AMZ1: variants seen among roughly 807,000 people sequenced by gnomAD.
AMZ1 encodes the protein archaelysin family metallopeptidase 1.
Under a neutral mutation model 29.9 loss-of-function variants are expected in AMZ1, and 39 were observed. The ratio of observed to expected loss-of-function variants is 1.30; its 90% CI spans 1.01 to 1.70. AMZ1 has a LOEUF of 1.70. AMZ1 is among the 40% of genes most tolerant of loss of function. AMZ1 has a pLI of 0.00. For synonymous variants in AMZ1, 458 were observed against 304.0 expected (o/e 1.51, Z -5.27); for missense variants, 1,041 against 680.6 (o/e 1.53, Z -5.89).
At chr7:2,708,208 C>T (rs563701050) in intron 3 of AMZ1, among the ~76,000 whole-genome samples, 1 of 152,264 alleles carries the variant, frequency 6.6e-6, no homozygotes, top group African/African-American at 2.4e-5. Flanking sequence ...TCATCTGCAG[C>T]CCCTTTGGCT....
In AMZ1 at chr7:2,709,779, A is replaced by G; in HGVS notation, c.911A>G (p.Gln304Arg). Residue 304 changes from glutamine to arginine, a missense_variant, in exon 6 of 7, where the codon CAG becomes CGG. Gln to Arg is a conservative substitution (Grantham distance 43). Coordinates refer to ENST00000683327, the MANE Select transcript of AMZ1 (RefSeq NM_001384743.1). ...TGTCCCATCTGCCTGAGGAAGCTGC[A>G]GCATGTCCTGGGTTTCAGGCTCATC... is the stretch of plus-strand genomic sequence containing the variant. ...DLCPICLRKL[Q>R]HVLGFRLIER... 3.1e-6 allele frequency: 5 copies of G among 1,612,104 alleles called. No homozygotes were observed. Among genetic ancestry groups the G allele is most frequent in the Non-Finnish European group, 4.2e-6 (5 of 1,179,868 alleles).
intron 1 of AMZ1, among the ~76,000 whole-genome samples, chr7:2,692,191 A>G (rs539917120): frequency 1.7e-4 from 26 of 152,276 alleles, no homozygotes; most frequent in African/African-American, 6.0e-4. Context: ...AGGCTCCTGG[A>G]GGAAGACAGG....
chr7:2,758,733 T>C (rs553853435), intron 4 of AMZ1, among the ~76,000 whole-genome samples: 1 of 152,312 alleles, frequency 6.6e-6, no homozygotes, highest in South Asian at 2.1e-4. Context: ...GTCACAGCCC[T>C]AGGCTGGAAG....
chr7:2,752,814 G>A (rs1791102812), intron 4 of AMZ1, among the ~76,000 whole-genome samples: 1 of 152,160 alleles, frequency 6.6e-6, no homozygotes, highest in Non-Finnish European at 1.5e-5. Flanking sequence ...GACCTGCCAT[G>A]CATTTTCCCC....
intron 6 of AMZ1, among the ~76,000 whole-genome samples, chr7:2,710,978 T>C (rs1225161842): frequency 1.3e-5 from 2 of 152,214 alleles, no homozygotes; most frequent in Admixed American, 6.5e-5. Context: ...GAGCTCTCAT[T>C]TGATGCCTTC....
Position 2,708,617 on chromosome 7 carries a change from A to G in AMZ1, c.502A>G (p.Lys168Glu). The G allele has an allele frequency of 6.2e-7, 1 of 1,613,018 alleles. No homozygotes were observed. The highest frequency in any genetic ancestry group is 8.5e-7 in the Non-Finnish European group (1 of 1,179,970). ...DGILSFLKNNKPGDALCVLGL... is the reference protein window; with the variant it reads ...DGILSFLKNNEPGDALCVLGL... ...CATCCTGTCCTTCTTGAAGAACAAC[A>G]AGCCAGGGGACGCGCTGTGTGTGCT... is the stretch of plus-strand genomic sequence containing the variant. Residue 168 changes from lysine to glutamate, a missense_variant, in exon 4 of 7, where the codon AAG becomes GAG. Physicochemically the swap from Lys to Glu is moderately conservative, Grantham distance 56. Transcript: ENST00000683327.
chr7:2,685,855 G>GAAAAAAAAAAAAAAA (rs10710624), upstream of AMZ1, among the ~76,000 whole-genome samples: 1 of 86,762 alleles, frequency 1.2e-5, no homozygotes. Context: ...TCCGTCTCAA[G>GAAAAAAAAAAAAAAA]AAAAAAAAAA....
chr7:2,715,785 G>C lies in AMZ1; in HGVS notation c.*2907G>C, dbSNP rs1050899986. The stretch of plus-strand genomic sequence containing the variant: ...TCACCAGGAAAGACGCAAGGCAGAG[G>C]AGAGAGAATGAGGGCTGCCTTCTCG... On this transcript the variant is annotated 3_prime_UTR_variant, in exon 7 of 7. Coordinates refer to ENST00000683327, the MANE Select transcript of AMZ1 (RefSeq NM_001384743.1). 7.2e-5 allele frequency: 11 copies of C among 152,350 alleles called. No individual in the cohort carries two copies. The highest frequency in any genetic ancestry group is 2.4e-4 in the African/African-American group (10 of 41,586). 9.4% of individuals were successfully genotyped at this position (152,350 alleles called of 1,614,324 possible).
At chr7:2,749,816 C>A (rs1371005247) in intron 4 of AMZ1, among the ~76,000 whole-genome samples, 1 of 152,018 alleles carries the variant, frequency 6.6e-6, no homozygotes, top group Non-Finnish European at 1.5e-5. Context: ...AGGAAAGAAT[C>A]AGTGACCACT....
chr7:2,721,655 G>A (rs1789425491), downstream of AMZ1, among the ~76,000 whole-genome samples: 1 of 151,698 alleles, frequency 6.6e-6, no homozygotes, highest in Non-Finnish European at 1.5e-5. Context: ...GGTGGAGGTT[G>A]CAGTGAGCCG....
intron 4 of AMZ1, among the ~76,000 whole-genome samples, chr7:2,742,400 C>T (rs936285896): frequency 2.6e-5 from 4 of 152,122 alleles, no homozygotes; most frequent in African/African-American, 9.7e-5. Flanking sequence ...ATGACAGTTT[C>T]GAGATGATTT....
intron 4 of AMZ1, among the ~76,000 whole-genome samples, chr7:2,742,343 T>C (rs1790549793): frequency 6.6e-6 from 1 of 152,168 alleles, no homozygotes; most frequent in East Asian, 1.9e-4. Flanking sequence ...AGAAGAGGGC[T>C]GCCTCCCACG....
At position 2,718,031 on chromosome 7, in the gene AMZ1, G is replaced by A. The variant is rs923357370; in HGVS notation, c.*5153G>A. The stretch of plus-strand genomic sequence containing the variant: ...CCACAATGGCCCTCAGAGGGTCCGC[G>A]GCAGCCAGGCCCGTCCAACCTCCTG... On this transcript the variant is annotated 3_prime_UTR_variant, in exon 7 of 7. Coordinates refer to ENST00000683327, the MANE Select transcript of AMZ1 (RefSeq NM_001384743.1). Among the ~76,000 whole-genome samples, 2 of 152,184 alleles carry A rather than the reference G, an allele frequency of 1.3e-5. No individual in the cohort carries two copies. The highest frequency in any genetic ancestry group is 2.4e-5 in the African/African-American group (1 of 41,440).
In AMZ1 at chr7:2,714,657, G is replaced by C. The variant is rs1460264450; in HGVS notation, c.*1779G>C. 5.9e-5 allele frequency: 9 copies of C among 152,228 alleles called. No homozygotes were observed. The highest frequency in any genetic ancestry group is 5.9e-4 in the Admixed American group (9 of 15,282). 9.4% of individuals were successfully genotyped at this position (152,228 alleles called of 1,614,324 possible). ...TTAAAATCACCACAGTCTAGCTCAT[G>C]AATCTGTAACTTGGGCAGAGCTCGG... On this transcript the variant is annotated 3_prime_UTR_variant, in exon 7 of 7. Coordinates refer to ENST00000683327, the MANE Select transcript of AMZ1 (RefSeq NM_001384743.1).
At chr7:2,728,125 G>C (rs1789702033) in intron 4 of AMZ1, 1 of 151,884 alleles carries the variant, frequency 6.6e-6, no homozygotes, top group Non-Finnish European at 1.5e-5. Context: ...AGCAAAGAAA[G>C]ACTAAATTTA....
upstream of AMZ1, among the ~76,000 whole-genome samples, chr7:2,686,710 TTCTCTC>T (rs544683237): frequency 1.3e-4 from 19 of 151,848 alleles, no homozygotes; most frequent in Non-Finnish European, 2.5e-4. Flanking sequence ...TGTGTTGTTT[TTCTCTC>T]TCTCTCTTTT....
rs1217812080 is a variant in AMZ1 at position 2,700,744 on chromosome 7, T to A, written c.293T>A (p.Leu98Gln). 2 of 1,612,522 alleles carry A rather than the reference T, an allele frequency of 1.2e-6. No individual in the cohort carries two copies. Among genetic ancestry groups the A allele is most frequent in the South Asian group, 2.2e-5 (2 of 91,050 alleles). The change falls in exon 2 of 7, where the codon CTA becomes CAA. Residue 98 changes from leucine to glutamine, a missense_variant. Physicochemically the swap from Leu to Gln is moderately radical, Grantham distance 113. Transcript: ENST00000683327. ...KPRLARKHIY[L>Q]QPIDLSEEPV... ...CGCCTGGCTCGGAAGCACATCTACC[T>A]ACAGCCGATAGGTACGGGACGCCTG...
chr7:2,680,613 G>T (rs1429240581), intron 1 of AMZ1, among the ~76,000 whole-genome samples: 1 of 152,254 alleles, frequency 6.6e-6, no homozygotes, highest in African/African-American at 2.4e-5. Context: ...CTCCGACTAT[G>T]TGGGAGGTGG....
At chr7:2,729,864 A>T (rs1480001576) in intron 4 of AMZ1, 1 of 152,428 alleles carries the variant, frequency 6.6e-6, no homozygotes, top group Non-Finnish European at 1.5e-5. Context: ...AGTGAAAGCC[A>T]CCTGGCAGGT....
Sources: allele counts gnomAD v4.1 joint callset (sites outside exome capture counted in the v4.1 genomes callset), GRCh38; gene constraint gnomAD v4.1.1; transcripts MANE v1.5; gene names NCBI Gene and HGNC (gene_info 2026-07-23, HGNC 2026-07-21).